The following ACAN variants were observed in gnomAD, a reference collection of about 807,000 sequenced individuals.
The protein encoded by ACAN is aggrecan core protein.
Under a neutral mutation model 169.1 loss-of-function variants are expected in ACAN, and 47 were observed. That is an observed-to-expected ratio of 0.28 (90% CI 0.22 to 0.35). The LOEUF (loss-of-function observed/expected upper bound fraction) is 0.35, where lower values mean the gene tolerates loss of function less well. Ranked by LOEUF, ACAN falls within the 10% of genes least tolerant of loss-of-function variation. ACAN has a pLI of 1.00. For synonymous variants in ACAN, 1,115 were observed against 1,112.2 expected, an observed-to-expected ratio of 1.00 and a Z score of -0.05; for missense variants, 2,716 against 2,759.9, an observed-to-expected ratio of 0.98 and a Z score of 0.36.
intron 1 of ACAN, among the ~76,000 whole-genome samples, chr15:88,826,484 A>T (rs1197217066): frequency 2.1e-5 from 3 of 146,236 alleles, no homozygotes; most frequent in Non-Finnish European, 4.5e-5. Flanking sequence ...CCCTGGAGAC[A>T]CAGGGAAAGC....
chr15:88,838,797 C>G lies in ACAN; in HGVS notation c.205C>G (p.Leu69Val). ...GACCACCGCCCCTTCTACCGCCCCA[C>G]TGGCCCCAAGAATCAAGTGGAGCCG... The part of the protein sequence containing the change: ...PVTTAPSTAP[L>V]APRIKWSRVS... Residue 69 changes from leucine to valine, a missense_variant, in exon 3 of 19, where the codon CTG becomes GTG. Coordinates refer to ENST00000560601, the MANE Select transcript of ACAN (RefSeq NM_001369268.1). The surrounding 1 kb of genome is among the most constrained non-coding windows in gnomAD (Gnocchi z 5.1). 6.2e-7 allele frequency: 1 copy of G among 1,614,058 alleles called. No homozygotes were observed.
At chr15:88,847,168 C>T (rs561850295) in intron 7 of ACAN, 75 bp from the exon 8 acceptor site, 128 of 1,412,738 alleles carry the variant, frequency 9.1e-5, no homozygotes, top group South Asian at 4.3e-4. Context: ...AGTTGGCCCC[C>T]CTCTGTGCCC....
At chr15:88,835,597 G>A (rs1896482378) in intron 1 of ACAN, among the ~76,000 whole-genome samples, 1 of 152,212 alleles carries the variant, frequency 6.6e-6, no homozygotes, top group South Asian at 2.1e-4. Flanking sequence ...AGTAGTTTCA[G>A]TTTGAAAGTC....
chr15:88,836,391 G>T (rs1896504306), intron 2 of ACAN, 115 bp downstream of exon 2: 8 of 948,740 alleles, frequency 8.4e-6, no homozygotes, highest in Non-Finnish European at 1.2e-5. Flanking sequence ...CCCTTTCCTG[G>T]ACTTTTCCTG....
intron 1 of ACAN, among the ~76,000 whole-genome samples, chr15:88,831,270 G>A (rs1014453196): frequency 1.3e-5 from 2 of 152,232 alleles, no homozygotes; most frequent in Non-Finnish European, 2.9e-5. Context: ...GCCGCACATG[G>A]CCTGTGACCT....
rs768937777 is a variant in ACAN, at chr15:88,872,090, G to GT, written c.7302+7dup. On this transcript the variant is annotated splice_donor_region_variant and intron_variant, in intron 16 of 18. Coordinates refer to ENST00000560601, the MANE Select transcript of ACAN (RefSeq NM_001369268.1). The surrounding 1 kb of genome is among the most constrained non-coding windows in gnomAD (Gnocchi z 5.4). ...TGGTCAGATGGACACCCCATGGTGA[G>GT]TTCTGCTGTAGGCACAGCTGGTGGC... is the stretch of plus-strand genomic sequence containing the variant. 5.1e-5 allele frequency: 83 copies of GT among 1,613,414 alleles called. No individual in the cohort carries two copies. Among genetic ancestry groups the GT allele is most frequent in the Non-Finnish European group, 7.0e-5 (82 of 1,179,588 alleles).
At chr15:88,816,476 T>G (rs926967762) in intron 1 of ACAN, among the ~76,000 whole-genome samples, 5 of 152,216 alleles carry the variant, frequency 3.3e-5, no homozygotes, top group Non-Finnish European at 7.3e-5. Flanking sequence ...CATTGTATGA[T>G]CTGAGCTGAA....
intron 2 of ACAN, 83 bp downstream of exon 2, chr15:88,836,359 C>A: frequency 1.7e-6 from 2 of 1,208,666 alleles, no homozygotes. Context: ...CCTGGTGCTA[C>A]TGGTCCCAGG....
chr15:88,829,115 T>A (rs1273256757), intron 1 of ACAN, among the ~76,000 whole-genome samples: 1 of 90,014 alleles, frequency 1.1e-5, no homozygotes, highest in East Asian at 2.1e-4. Flanking sequence ...ACATGGAATT[T>A]GATTTAAGAT....
intron 5 of ACAN, among the ~76,000 whole-genome samples, chr15:88,842,785 T>C (rs755442866): frequency 7.9e-5 from 12 of 152,088 alleles, no homozygotes; most frequent in Non-Finnish European, 1.2e-4. Context: ...GTGGATGCCG[T>C]CCGCCCCCAC....
chr15:88,830,427 A>G (rs1199880305), intron 1 of ACAN, among the ~76,000 whole-genome samples: 1 of 152,228 alleles, frequency 6.6e-6, no homozygotes, highest in Non-Finnish European at 1.5e-5. Context: ...GTACTTACAC[A>G]AACCTGGATG....
rs1463725285 is a variant in ACAN at position 88,838,765 on chromosome 15, A to C, written c.173A>C (p.His58Pro). The change falls in exon 3 of 19, where the codon CAC becomes CCC. Residue 58 changes from histidine to proline, a missense_variant. Physicochemically the swap from His to Pro is moderately conservative, Grantham distance 77. Transcript: ENST00000560601. The surrounding 1 kb of genome is among the most constrained non-coding windows in gnomAD (Gnocchi z 5.1). ...CCCTGCTATTTCATCGACCCCATGC[A>C]CCCTGTGACCACCGCCCCTTCTACC... The part of the protein sequence containing the change: ...TIPCYFIDPM[H>P]PVTTAPSTAP... 6.2e-7 allele frequency: 1 copy of C among 1,613,776 alleles called. No individual in the cohort carries two copies. The highest frequency in any genetic ancestry group is 1.1e-5 in the South Asian group (1 of 91,068).
At position 88,871,551 on chromosome 15, in the gene ACAN, C is replaced by T. The variant is rs763266861; in HGVS notation, c.7219+11C>T. On this transcript the variant is annotated intron_variant, in intron 15 of 18. Transcript: ENST00000560601. This position sits in a 1 kb window ranked among gnomAD's most constrained non-coding sequence, Gnocchi z 7.8. ...AGGAGTTTGTCAACAGTGAGTGCGG[C>T]GGGGCCTCTGGAGCCTGAGAGGAGA... is the stretch of plus-strand genomic sequence containing the variant. 1.5e-5 allele frequency: 24 copies of T among 1,606,640 alleles called. No individual in the cohort carries two copies. In the Admixed American group the frequency reaches 2.2e-4, roughly 15 times the overall value.
At position 88,840,952 on chromosome 15, in the gene ACAN, A is replaced by C. The variant is rs111462806; in HGVS notation, c.629+766A>C. ...GAAGTCAGGAGATCGAGACCATCCTAGCTAACATGGTGAAACCCCATCTCT... is the reference window on the plus strand; with the variant it reads ...GAAGTCAGGAGATCGAGACCATCCTCGCTAACATGGTGAAACCCCATCTCT... On this transcript the variant is annotated intron_variant, in intron 4 of 18. Coordinates refer to ENST00000560601, the MANE Select transcript of ACAN (RefSeq NM_001369268.1). 5.9e-3 allele frequency among the ~76,000 whole-genome samples: 895 copies of C among 152,018 alleles called. 21 individuals are homozygous for C. The East Asian group carries it at 0.065, about 11-fold the overall frequency.
intron 1 of ACAN, among the ~76,000 whole-genome samples, chr15:88,833,312 T>G (rs1171714792): frequency 1.3e-5 from 2 of 152,190 alleles, no homozygotes; most frequent in Non-Finnish European, 2.9e-5. Context: ...AATTCCCTGG[T>G]GATGAACCCA....
At chr15:88,852,547 G>C (rs1053054958) in intron 11 of ACAN, among the ~76,000 whole-genome samples, 2 of 152,314 alleles carry the variant, frequency 1.3e-5, no homozygotes, top group South Asian at 4.1e-4. Context: ...AATTAAACCA[G>C]ATGAGACTTA....
intron 1 of ACAN, 55 bp from the exon 2 acceptor site, chr15:88,836,135 ATGACTCTGCT>A: frequency 3.4e-6 from 4 of 1,170,456 alleles, no homozygotes; most frequent in Non-Finnish European, 5.1e-6. Flanking sequence ...CATATGTCAC[ATGACTCTGCT>A]TGACCTCACC....
At position 88,838,971 on chromosome 15, in the gene ACAN, G is replaced by T; in HGVS notation, c.379G>T (p.Asp127Tyr). ...TLEVQSLRSN[D>Y]SGVYRCEVMH... ...GGAAGTCCAGAGCCTGCGCTCCAAT[G>T]ACTCTGGGGTCTACCGCTGCGAGGT... The change falls in exon 3 of 19, where the codon GAC becomes TAC. Residue 127 changes from aspartate to tyrosine, a missense_variant. Around this residue, in one of 3 missense-constraint regions of ACAN, gnomAD observed 1,283 missense variants for 1,281.5 expected, o/e 1.00. Coordinates refer to ENST00000560601, the MANE Select transcript of ACAN (RefSeq NM_001369268.1). The surrounding 1 kb of genome is among the most constrained non-coding windows in gnomAD (Gnocchi z 5.1). 1 of 1,613,330 alleles carries T rather than the reference G, an allele frequency of 6.2e-7. No homozygotes were observed. The highest frequency in any genetic ancestry group is 1.1e-5 in the South Asian group (1 of 91,090).
chr15:88,862,662 C>T (rs977973950), intron 13 of ACAN, among the ~76,000 whole-genome samples: 3 of 152,130 alleles, frequency 2.0e-5, no homozygotes, highest in East Asian at 1.9e-4. Flanking sequence ...GGGTGACCCA[C>T]GATTGTCTTG....
Sources: allele counts gnomAD v4.1 joint callset (sites outside exome capture counted in the v4.1 genomes callset), GRCh38; gene constraint gnomAD v4.1.1; regional missense constraint gnomAD v4.1.1; non-coding constraint Gnocchi (gnomAD v3.1); transcripts MANE v1.5; gene names NCBI Gene and HGNC (gene_info 2026-07-23, HGNC 2026-07-21).